The following GRID1 variants were observed in gnomAD, a reference collection of about 807,000 sequenced individuals.
The protein encoded by GRID1 is glutamate ionotropic receptor delta type subunit 1, also known as glutamate receptor ionotropic, delta-1.
GRID1 carries 28 observed loss-of-function variants against 98.0 expected under a neutral mutation model. The ratio of observed to expected loss-of-function variants is 0.29; its 90% CI spans 0.21 to 0.39. GRID1 has a LOEUF of 0.39. Among genes scored for constraint, GRID1 ranks in the 10% least tolerant of loss-of-function variants. The probability of loss-of-function intolerance (pLI) is 1.00; values close to 1 mark genes in which losing one functional copy is unlikely to be tolerated. For missense variants in GRID1, 1,111 were observed against 1,340.5 expected (o/e 0.83, Z 2.67); for synonymous variants, 553 against 538.5 (o/e 1.03, Z -0.37).
At chr10:86,165,402 C>G (rs1364942343) in intron 3 of GRID1, among the ~76,000 whole-genome samples, 1 of 152,150 alleles carries the variant, frequency 6.6e-6, no homozygotes, top group Non-Finnish European at 1.5e-5. Flanking sequence ...CAGTCTAGAC[C>G]AAGGCAGAGA....
intron 4 of GRID1, among the ~76,000 whole-genome samples, chr10:86,023,354 G>A (rs1380298846): frequency 6.6e-6 from 1 of 152,142 alleles, no homozygotes; most frequent in African/African-American, 2.4e-5. Flanking sequence ...TTCACTGTAA[G>A]CCCTTACCTC....
chr10:85,985,965 A>G (rs1174170062), intron 4 of GRID1, among the ~76,000 whole-genome samples: 1 of 152,266 alleles, frequency 6.6e-6, no homozygotes, highest in Non-Finnish European at 1.5e-5. Context: ...ACTCCTCCAA[A>G]GAAGAAAAAT....
intron 4 of GRID1, among the ~76,000 whole-genome samples, chr10:86,092,114 A>G (rs1844158813): frequency 6.6e-6 from 1 of 152,198 alleles, no homozygotes; most frequent in African/African-American, 2.4e-5. Flanking sequence ...TTCACCAGCA[A>G]TGGATCCAAA....
At chr10:85,985,424 C>A (rs953889391) in intron 4 of GRID1, among the ~76,000 whole-genome samples, 2 of 152,158 alleles carry the variant, frequency 1.3e-5, no homozygotes, top group Non-Finnish European at 2.9e-5. Flanking sequence ...CAGGTGACAC[C>A]TGAATTTGAT....
intron 2 of GRID1, among the ~76,000 whole-genome samples, chr10:86,341,309 C>T (rs1267031640): frequency 1.3e-5 from 2 of 152,126 alleles, no homozygotes; most frequent in African/African-American, 4.8e-5. Flanking sequence ...GCTCTGGATG[C>T]CCCAGAGCCT....
At chr10:85,994,643 A>T (rs1049092145) in intron 4 of GRID1, among the ~76,000 whole-genome samples, 5 of 152,234 alleles carry the variant, frequency 3.3e-5, no homozygotes, top group Non-Finnish European at 5.9e-5. Flanking sequence ...TTAGATACTC[A>T]GCACGTGATT....
At chr10:86,354,291 T>C (rs1848504189) in intron 2 of GRID1, among the ~76,000 whole-genome samples, 1 of 151,918 alleles carries the variant, frequency 6.6e-6, no homozygotes, top group Non-Finnish European at 1.5e-5. Flanking sequence ...GACCTGGGGG[T>C]TGCTAGCACC....
Position 86,037,298 on chromosome 10 carries a change from G to A in GRID1, c.726+101521C>T, listed in dbSNP as rs540436546. ...GGTGGTATGAAATAAGGGAACATCC[G>A]GGCCTCAAAAAGCAGGGAGCCTGAT... On this transcript the variant is annotated intron_variant, in intron 4 of 15. Coordinates refer to ENST00000327946, the MANE Select transcript of GRID1 (RefSeq NM_017551.3). Among the ~76,000 whole-genome samples, 346 of 152,260 alleles carry A rather than the reference G, an allele frequency of 2.3e-3. 1 individual carries two copies. The highest frequency in any genetic ancestry group is 4.0e-3 in the Non-Finnish European group (275 of 68,018).
At chr10:85,680,848 A>G (rs1211933816) in intron 12 of GRID1, among the ~76,000 whole-genome samples, 1 of 152,208 alleles carries the variant, frequency 6.6e-6, no homozygotes, top group Non-Finnish European at 1.5e-5. Flanking sequence ...TGTGGATGGA[A>G]CTGGAGGTCA....
chr10:85,738,421 C>T (rs138371532), intron 8 of GRID1, among the ~76,000 whole-genome samples: 6 of 152,172 alleles, frequency 3.9e-5, no homozygotes, highest in Non-Finnish European at 7.4e-5. Context: ...AAATCTGCAG[C>T]CACATTGGAA....
chr10:85,894,130 T>C (rs1263089072), intron 5 of GRID1, among the ~76,000 whole-genome samples: 1 of 152,112 alleles, frequency 6.6e-6, no homozygotes, highest in Non-Finnish European at 1.5e-5. Context: ...CACCAGTCAA[T>C]GGTCAATGAA....
At chr10:85,934,996 AC>A (rs1841907393) in intron 4 of GRID1, among the ~76,000 whole-genome samples, 1 of 152,242 alleles carries the variant, frequency 6.6e-6, no homozygotes, top group African/African-American at 2.4e-5. Context: ...GGAAAAAAAG[AC>A]CAGGTATAGA....
intron 2 of GRID1, among the ~76,000 whole-genome samples, chr10:86,363,629 G>C (rs1470948400): frequency 1.3e-5 from 2 of 151,880 alleles, no homozygotes; most frequent in Non-Finnish European, 2.9e-5. Context: ...AGACTGCCCC[G>C]AGCCACGCAC....
intron 12 of GRID1, among the ~76,000 whole-genome samples, chr10:85,681,437 T>C (rs1368958485): frequency 6.6e-6 from 1 of 152,228 alleles, no homozygotes; most frequent in East Asian, 1.9e-4. Context: ...TTGGAAAAGT[T>C]AGGTTGCCCA....
intron 5 of GRID1, among the ~76,000 whole-genome samples, chr10:85,904,624 T>A (rs1031815144): frequency 6.6e-5 from 10 of 152,144 alleles, no homozygotes; most frequent in African/African-American, 2.2e-4. Context: ...TTATAACTAC[T>A]TTTTTTACAT....
rs1842563486 is a variant in GRID1 at position 85,600,820 on chromosome 10, C to T, written c.*1453G>A. On this transcript the variant is annotated 3_prime_UTR_variant, in exon 16 of 16. Coordinates refer to ENST00000327946, the MANE Select transcript of GRID1 (RefSeq NM_017551.3). ...CCTAGGCTTAGAAAACTGGGCTTCC[C>T]TGCAGCTGTACCTGCACAGGGATAG... The T allele has an allele frequency of 6.6e-6, 1 of 152,218 alleles. No homozygotes were observed. Among genetic ancestry groups the T allele is most frequent in the Non-Finnish European group, 1.5e-5 (1 of 68,066 alleles). 9.4% of individuals were successfully genotyped at this position (152,218 alleles called of 1,614,324 possible).
intron 2 of GRID1, among the ~76,000 whole-genome samples, chr10:86,215,833 C>A (rs1324730582): frequency 6.6e-6 from 1 of 152,164 alleles, no homozygotes; most frequent in East Asian, 1.9e-4. Context: ...CAGTGACAAG[C>A]ACGCCCTTGA....
At chr10:85,818,144 T>C (rs1409261654) in intron 8 of GRID1, among the ~76,000 whole-genome samples, 1 of 152,234 alleles carries the variant, frequency 6.6e-6, no homozygotes, top group African/African-American at 2.4e-5. Context: ...AATTTGTAGA[T>C]AATGGAAGCC....
At position 86,015,212 on chromosome 10, in the gene GRID1, T is replaced by G. The variant is rs114973156; in HGVS notation, c.727-98973A>C. Reference sequence around the variant, plus strand: ...GCCTCAGCCCCTAGAACTGTGCCAGTTCCATAGCAGGTGCTCAAAAATATG... The same window carrying G: ...GCCTCAGCCCCTAGAACTGTGCCAGGTCCATAGCAGGTGCTCAAAAATATG... On this transcript the variant is annotated intron_variant, in intron 4 of 15. Coordinates refer to ENST00000327946, the MANE Select transcript of GRID1 (RefSeq NM_017551.3). 9.9e-3 allele frequency among the ~76,000 whole-genome samples: 1,508 copies of G among 152,324 alleles called. 27 individuals carry two copies. Among genetic ancestry groups the G allele is most frequent in the African/African-American group, 0.034 (1,405 of 41,588 alleles).
Sources: allele counts gnomAD v4.1 joint callset (sites outside exome capture counted in the v4.1 genomes callset), GRCh38; gene constraint gnomAD v4.1.1; transcripts MANE v1.5; gene names NCBI Gene and HGNC (gene_info 2026-07-23, HGNC 2026-07-21).